The following RAD51B variants were observed in gnomAD, a reference collection of about 807,000 sequenced individuals.
RAD51B encodes DNA repair protein RAD51 homolog 2.
In RAD51B, 38 loss-of-function variants were observed where a neutral mutation model predicts 42.2. The observed-to-expected ratio is 0.90, with a 90% confidence interval of 0.70 to 1.18. The LOEUF is 1.18. RAD51B is among the 50% of genes most tolerant of loss of function. The pLI, the probability that RAD51B is intolerant of heterozygous loss-of-function variation, is 0.00. For synonymous variants in RAD51B, 154 were observed against 145.2 expected, an observed-to-expected ratio of 1.06 and a Z score of -0.43; for missense variants, 373 against 400.7, an observed-to-expected ratio of 0.93 and a Z score of 0.59.
intron 10 of RAD51B, among the ~76,000 whole-genome samples, chr14:68,535,141 G>T (rs1887543007): frequency 6.6e-6 from 1 of 152,084 alleles, no homozygotes; most frequent in Admixed American, 6.5e-5. Flanking sequence ...CATGGTTGGT[G>T]GATGTACAGA....
At chr14:67,991,305 T>C (rs1020417867) in intron 7 of RAD51B, among the ~76,000 whole-genome samples, 2 of 152,238 alleles carry the variant, frequency 1.3e-5, no homozygotes. Context: ...TATTAGGTGA[T>C]TTAGTAGATG....
intron 7 of RAD51B, among the ~76,000 whole-genome samples, chr14:68,216,014 G>A (rs894372168): frequency 6.6e-6 from 1 of 152,128 alleles, no homozygotes; most frequent in African/African-American, 2.4e-5. Context: ...TTTATGCCAG[G>A]TACACCTATT....
intron 7 of RAD51B, among the ~76,000 whole-genome samples, chr14:67,974,882 T>C (rs2074962578): frequency 6.6e-6 from 1 of 152,234 alleles, no homozygotes; most frequent in Admixed American, 6.5e-5. Context: ...TTAAAAGATG[T>C]TCATCATCCT....
chr14:67,844,436 TG>T (rs2041538880), intron 4 of RAD51B, among the ~76,000 whole-genome samples: 2 of 151,850 alleles, frequency 1.3e-5, no homozygotes, highest in Non-Finnish European at 2.9e-5. Context: ...TGTCTTATAA[TG>T]TCAGTGGGGT....
chr14:68,376,301 A>G (rs1275751953), intron 8 of RAD51B, among the ~76,000 whole-genome samples: 5 of 152,148 alleles, frequency 3.3e-5, no homozygotes, highest in African/African-American at 1.2e-4. Flanking sequence ...ACACACTGAA[A>G]CTAAGCCAAA....
chr14:68,633,070 T>C (rs918463457), intron 10 of RAD51B, among the ~76,000 whole-genome samples: 1 of 136,760 alleles, frequency 7.3e-6, no homozygotes, highest in African/African-American at 2.8e-5. Flanking sequence ...CCTCCTGTCT[T>C]GGCCTCCCAA....
chr14:68,632,968 C>CT (rs397852024), intron 10 of RAD51B, among the ~76,000 whole-genome samples: 706 of 59,388 alleles, frequency 0.012, 51 homozygotes, highest in Non-Finnish European at 0.018. Flanking sequence ...TTTTCTTTTT[C>CT]TTTTTTTTTT....
intron 7 of RAD51B, among the ~76,000 whole-genome samples, chr14:67,931,949 A>T (rs2044753411): frequency 6.6e-6 from 1 of 150,946 alleles, no homozygotes; most frequent in African/African-American, 2.4e-5. Context: ...GCTTCTTCAA[A>T]TTTTTTATTT....
chr14:68,221,703 A>G (rs2140964392), intron 7 of RAD51B, among the ~76,000 whole-genome samples: 1 of 152,370 alleles, frequency 6.6e-6, no homozygotes, highest in South Asian at 2.1e-4. Flanking sequence ...AATTAAACTA[A>G]AAAGCTTCTT....
chr14:68,550,090 C>A (rs1423610287), intron 10 of RAD51B, among the ~76,000 whole-genome samples: 1 of 152,222 alleles, frequency 6.6e-6, no homozygotes, highest in Non-Finnish European at 1.5e-5. Flanking sequence ...TGCAGGCAGG[C>A]TCTGCCCCCT....
chr14:68,593,086 C>G (rs955032851), intron 10 of RAD51B, among the ~76,000 whole-genome samples: 22 of 152,204 alleles, frequency 1.4e-4, no homozygotes, highest in African/African-American at 5.3e-4. Flanking sequence ...CAGGTCAGAA[C>G]TGGGCCAGCA....
At chr14:67,838,572 A>G (rs1167505439) in intron 4 of RAD51B, among the ~76,000 whole-genome samples, 2 of 152,072 alleles carry the variant, frequency 1.3e-5, no homozygotes, top group Non-Finnish European at 2.9e-5. Context: ...CCTCCCAAGT[A>G]GCTAGGACTA....
At chr14:68,466,391 A>G (rs1288104568) in intron 9 of RAD51B, among the ~76,000 whole-genome samples, 1 of 152,172 alleles carries the variant, frequency 6.6e-6, no homozygotes, top group Non-Finnish European at 1.5e-5. Flanking sequence ...ACAGGTGGGG[A>G]AACTGAGACT....
intron 10 of RAD51B, among the ~76,000 whole-genome samples, chr14:68,607,817 G>A (rs984824103): frequency 2.0e-5 from 3 of 152,132 alleles, no homozygotes; most frequent in African/African-American, 7.2e-5. Flanking sequence ...GGAAGACAGG[G>A]GCTGGCAATG....
intron 8 of RAD51B, among the ~76,000 whole-genome samples, chr14:68,392,316 G>A (rs548756808): frequency 3.9e-5 from 6 of 152,260 alleles, no homozygotes; most frequent in Admixed American, 2.6e-4. Context: ...CTTATGCTTC[G>A]GAAGGCTTGT....
intron 10 of RAD51B, among the ~76,000 whole-genome samples, chr14:68,553,867 C>T (rs1042476261): frequency 6.6e-6 from 1 of 152,158 alleles, no homozygotes; most frequent in Non-Finnish European, 1.5e-5. Flanking sequence ...AAGTAAAAAT[C>T]GTCTCTGCAA....
At chr14:68,450,201 T>G (rs1314999443) in intron 9 of RAD51B, among the ~76,000 whole-genome samples, 1 of 133,444 alleles carries the variant, frequency 7.5e-6, no homozygotes, top group South Asian at 2.6e-4. Context: ...AAAAAGAGCT[T>G]AGGGCTTTTT....
At chr14:68,471,417 G>C (rs1245355375) in intron 10 of RAD51B, among the ~76,000 whole-genome samples, 2 of 152,118 alleles carry the variant, frequency 1.3e-5, no homozygotes, top group Non-Finnish European at 2.9e-5. Context: ...AGCAGAGGGA[G>C]GGAATAAAAG....
chr14:67,986,233 A>T (rs977603113), intron 7 of RAD51B, among the ~76,000 whole-genome samples: 4 of 152,252 alleles, frequency 2.6e-5, no homozygotes, highest in African/African-American at 9.6e-5. Flanking sequence ...AATTAAAAAT[A>T]TTCATAAGTC....
Sources: allele counts gnomAD v4.1 joint callset (sites outside exome capture counted in the v4.1 genomes callset), GRCh38; gene constraint gnomAD v4.1.1; transcripts MANE v1.5; gene names NCBI Gene and HGNC (gene_info 2026-07-23, HGNC 2026-07-21).